RNLS: variants seen among roughly 807,000 people sequenced by gnomAD.
RNLS encodes renalase, FAD dependent amine oxidase.
Under a neutral mutation model 39.8 loss-of-function variants are expected in RNLS, and 39 were observed. That is an observed-to-expected ratio of 0.98 (90% CI 0.76 to 1.28). RNLS has a LOEUF of 1.28. Ranked by LOEUF, RNLS falls within the 50% of genes most tolerant of loss-of-function variation. The probability of loss-of-function intolerance (pLI) is 0.00; values close to 1 mark genes in which losing one functional copy is unlikely to be tolerated. For missense variants in RNLS, 410 were observed against 413.3 expected (o/e 0.99, Z 0.07); for synonymous variants, 147 against 150.7 (o/e 0.98, Z 0.18).
intron 5 of RNLS, among the ~76,000 whole-genome samples, chr10:88,333,476 C>T (rs767319648): frequency 7.2e-5 from 11 of 152,144 alleles, no homozygotes; most frequent in Non-Finnish European, 1.2e-4. Flanking sequence ...CGTTTAATAA[C>T]GGAAACACAA....
At chr10:88,544,262 C>T (rs748748570) in intron 4 of RNLS, among the ~76,000 whole-genome samples, 1 of 152,146 alleles carries the variant, frequency 6.6e-6, no homozygotes, top group African/African-American at 2.4e-5. Context: ...TCTCTACATA[C>T]TTCTAAGATT....
the RNLS span, among the ~76,000 whole-genome samples, chr10:88,244,642 G>T: frequency 1.3e-5 from 2 of 151,778 alleles, no homozygotes; most frequent in Non-Finnish European, 2.9e-5. Flanking sequence ...TATTAATCAA[G>T]AGACTTGGCT....
chr10:88,194,630 T>G, the RNLS span, among the ~76,000 whole-genome samples: 1 of 152,188 alleles, frequency 6.6e-6, no homozygotes, highest in African/African-American at 2.4e-5. Context: ...ATTAGACCAG[T>G]GATGTTCAAA....
chr10:88,472,945 T>C (rs2133984823), intron 4 of RNLS, among the ~76,000 whole-genome samples: 1 of 152,280 alleles, frequency 6.6e-6, no homozygotes, highest in Admixed American at 6.5e-5. Context: ...AACTTAACCG[T>C]GAGGATATGT....
the RNLS span, among the ~76,000 whole-genome samples, chr10:88,215,691 A>ATTTTTTTTT: frequency 3.1e-5 from 3 of 95,446 alleles, no homozygotes; most frequent in Non-Finnish European, 6.1e-5. Context: ...ACCATCTGTA[A>ATTTTTTTTT]TTTTTTTTTT....
intron 4 of RNLS, among the ~76,000 whole-genome samples, chr10:88,534,313 T>G (rs568274504): frequency 6.6e-6 from 1 of 152,134 alleles, no homozygotes; most frequent in East Asian, 1.9e-4. Flanking sequence ...CCTGTGTAGC[T>G]GTGTGACCTA....
chr10:88,251,026 A>T, the RNLS span, among the ~76,000 whole-genome samples: 6 of 152,228 alleles, frequency 3.9e-5, no homozygotes, highest in African/African-American at 1.4e-4. Flanking sequence ...TAATAATTTT[A>T]TCTTTTGGGA....
the RNLS span, among the ~76,000 whole-genome samples, chr10:88,266,489 C>G: frequency 1.3e-5 from 2 of 152,104 alleles, no homozygotes; most frequent in Admixed American, 1.3e-4. Context: ...CCAGCAGTCT[C>G]AGTATACTTT....
At chr10:88,302,715 T>G (rs1007741312) in intron 6 of RNLS, among the ~76,000 whole-genome samples, 1 of 152,202 alleles carries the variant, frequency 6.6e-6, no homozygotes, top group Non-Finnish European at 1.5e-5. Context: ...TTTATTGAAA[T>G]AAGGGTGTAG....
chr10:88,468,980 G>A (rs545355094), intron 4 of RNLS, among the ~76,000 whole-genome samples: 1 of 152,126 alleles, frequency 6.6e-6, no homozygotes, highest in South Asian at 2.1e-4. Flanking sequence ...AGTTCTAAAA[G>A]CTCATGTTTT....
chr10:88,496,247 C>A (rs573977349), intron 4 of RNLS, among the ~76,000 whole-genome samples: 26 of 152,194 alleles, frequency 1.7e-4, no homozygotes, highest in African/African-American at 6.3e-4. Flanking sequence ...ATTAAAACCC[C>A]AGGAATTAAG....
chr10:88,347,606 A>C (rs1318276000), intron 5 of RNLS, among the ~76,000 whole-genome samples: 4 of 150,706 alleles, frequency 2.7e-5, no homozygotes, highest in South Asian at 2.1e-4. Context: ...TTAAACACCA[A>C]CCCCCCCCAA....
intron 4 of RNLS, among the ~76,000 whole-genome samples, chr10:88,494,618 C>T (rs1239939173): frequency 6.6e-6 from 1 of 152,032 alleles, no homozygotes; most frequent in African/African-American, 2.4e-5. Flanking sequence ...TATTCAAAAA[C>T]CAGCCTGGTG....
At chr10:88,270,590 C>T (rs538326621), downstream of RNLS, among the ~76,000 whole-genome samples, 1 of 152,286 alleles carries the variant, frequency 6.6e-6, no homozygotes, top group Admixed American at 6.5e-5. Context: ...AGTCTGGTTC[C>T]ACTCAGGATC....
At chr10:88,498,969 C>T (rs1248793033) in intron 4 of RNLS, among the ~76,000 whole-genome samples, 1 of 152,014 alleles carries the variant, frequency 6.6e-6, no homozygotes, top group African/African-American at 2.4e-5. Flanking sequence ...GGGAATAAAA[C>T]CACTATGAAA....
At chr10:88,332,989 T>C (rs1847220352) in intron 5 of RNLS, among the ~76,000 whole-genome samples, 2 of 152,166 alleles carry the variant, frequency 1.3e-5, no homozygotes, top group South Asian at 2.1e-4. Flanking sequence ...TTGAGGAATA[T>C]CAATTGAGCT....
Position 88,284,828 on chromosome 10 carries a change from A to G in RNLS, c.*526T>C. 4 of 985,406 alleles carry G rather than the reference A, an allele frequency of 4.1e-6. No individual in the cohort carries two copies. The highest frequency in any genetic ancestry group is 9.4e-5 in the South Asian group (2 of 21,296). 61.0% of individuals were successfully genotyped at this position (985,406 alleles called of 1,614,324 possible). ...AAGATGATGACATATATGACCTACA[A>G]TTCAGGATCACTTAATAACTTGGGG... On this transcript the variant is annotated 3_prime_UTR_variant, in exon 7 of 7. Coordinates refer to ENST00000331772, the MANE Select transcript of RNLS (RefSeq NM_001031709.3).
chr10:88,379,936 G>A (rs977281720), intron 4 of RNLS, among the ~76,000 whole-genome samples: 1 of 152,158 alleles, frequency 6.6e-6, no homozygotes, highest in Non-Finnish European at 1.5e-5. Flanking sequence ...CCGCTGTCCA[G>A]TCACCTCCCA....
chr10:88,401,746 CA>C (rs1233272599), intron 4 of RNLS, among the ~76,000 whole-genome samples: 1 of 151,938 alleles, frequency 6.6e-6, no homozygotes, highest in African/African-American at 2.4e-5. Context: ...ACTAAGATAG[CA>C]AAATCAAAGG....
Sources: allele counts gnomAD v4.1 joint callset (sites outside exome capture counted in the v4.1 genomes callset), GRCh38; gene constraint gnomAD v4.1.1; transcripts MANE v1.5; gene names NCBI Gene and HGNC (gene_info 2026-07-23, HGNC 2026-07-21).